Variants in POT1 observed in about 807,000 individuals in gnomAD.
POT1 encodes protection of telomeres 1, also known as protection of telomeres protein 1.
POT1 carries 47 observed loss-of-function variants against 78.5 expected under a neutral mutation model. The ratio of observed to expected loss-of-function variants is 0.60; its 90% CI spans 0.47 to 0.76. The LOEUF (loss-of-function observed/expected upper bound fraction) is 0.76. POT1 is among the 30% of genes least tolerant of loss of function. The pLI is 0.00. For missense variants in POT1, 646 were observed against 749.9 expected (o/e 0.86, Z 1.62); for synonymous variants, 259 against 260.7 (o/e 0.99, Z 0.06).
At chr7:124,918,556 C>A (rs181564301) in intron 2 of POT1, among the ~76,000 whole-genome samples, 19 of 152,232 alleles carry the variant, frequency 1.2e-4, no homozygotes, top group Non-Finnish European at 4.4e-5. Context: ...GTTTTACCTA[C>A]AATGGAAGTT....
intron 7 of POT1, among the ~76,000 whole-genome samples, chr7:124,870,708 T>C (rs1795846865): frequency 6.6e-6 from 1 of 152,154 alleles, no homozygotes; most frequent in Non-Finnish European, 1.5e-5. Flanking sequence ...TTCTGGGGAA[T>C]GAAAGCAGTG....
chr7:124,860,536 T>C (rs1163480386), intron 8 of POT1, among the ~76,000 whole-genome samples: 5 of 152,170 alleles, frequency 3.3e-5, no homozygotes, highest in Non-Finnish European at 7.4e-5. Flanking sequence ...GAAAATAAAA[T>C]TGCTGAGTTG....
intron 6 of POT1, among the ~76,000 whole-genome samples, chr7:124,879,746 A>G (rs555406931): frequency 1.3e-5 from 2 of 152,268 alleles, no homozygotes; most frequent in African/African-American, 2.4e-5. Flanking sequence ...CTTTAGCAAT[A>G]TAAGATTTTG....
intron 6 of POT1, among the ~76,000 whole-genome samples, chr7:124,890,746 A>T (rs1584790845): frequency 6.6e-6 from 1 of 151,880 alleles, no homozygotes; most frequent in Non-Finnish European, 1.5e-5. Flanking sequence ...TTTAATGTAA[A>T]CTAGTACAAA....
rs139388603 is a variant in POT1 at position 124,829,280 on chromosome 7, G to A, written c.1568C>T (p.Ser523Leu). ...TTCTGCCACAGAAGAAGGAATCCACGATGTTTTATCAACCAGGGAATTTAG... is the reference window on the plus strand; with the variant it reads ...TTCTGCCACAGAAGAAGGAATCCACAATGTTTTATCAACCAGGGAATTTAG... ...QNLNSLVDKT[S>L]WIPSSVAEAL... The change falls in exon 16 of 19, where the codon TCG becomes TTG. Residue 523 changes from serine (S) to leucine (L), a missense_variant. Ser to Leu is a moderately radical substitution (Grantham distance 145). Coordinates refer to ENST00000357628, the MANE Select transcript of POT1 (RefSeq NM_015450.3). 1.9e-6 allele frequency: 3 copies of A among 1,604,900 alleles called. No homozygotes were observed. The highest frequency in any genetic ancestry group is 2.2e-5 in the South Asian group (2 of 90,788).
chr7:124,921,002 C>A (rs1268566620), intron 2 of POT1, among the ~76,000 whole-genome samples: 1 of 152,010 alleles, frequency 6.6e-6, no homozygotes, highest in Non-Finnish European at 1.5e-5. Context: ...GAGGCTGAGG[C>A]AGAAGGATTC....
chr7:124,884,351 T>C (rs1305504137), intron 6 of POT1, among the ~76,000 whole-genome samples: 1 of 152,156 alleles, frequency 6.6e-6, no homozygotes, highest in Non-Finnish European at 1.5e-5. Flanking sequence ...CTGAGAAATT[T>C]GATTATACTG....
intron 16 of POT1, chr7:124,828,892 G>A: frequency 1.9e-6 from 1 of 540,442 alleles, no homozygotes; most frequent in Non-Finnish European, 3.6e-6. Context: ...TGAGTGTCCA[G>A]TTTCAGGTAA....
chr7:124,884,448 C>T (rs1484627065), intron 6 of POT1, among the ~76,000 whole-genome samples: 1 of 152,012 alleles, frequency 6.6e-6, no homozygotes, highest in African/African-American at 2.4e-5. Context: ...ACTGTAACAT[C>T]CAAGACTGCT....
chr7:124,866,725 T>C (rs549560778), intron 7 of POT1, among the ~76,000 whole-genome samples: 1 of 152,320 alleles, frequency 6.6e-6, no homozygotes, highest in South Asian at 2.1e-4. Flanking sequence ...ATCATGGGGC[T>C]CACTTTATAA....
chr7:124,918,225 C>T (rs1797065378), intron 2 of POT1, among the ~76,000 whole-genome samples: 1 of 152,134 alleles, frequency 6.6e-6, no homozygotes, highest in Non-Finnish European at 1.5e-5. Flanking sequence ...CTCTGAAAAC[C>T]AGACCAAACT....
rs186217266 is a variant in POT1, at chr7:124,915,598, C to T, written c.-178G>A. On this transcript the variant is annotated 5_prime_UTR_variant, in exon 3 of 19. Transcript: ENST00000357628. The stretch of plus-strand genomic sequence containing the variant: ...CCTTGTAGTCCAATCTGCAAAACAG[C>T]TGTTTTATTTCCACGATAAGTTAAA... The T allele has an allele frequency of 6.6e-6, 1 of 151,930 alleles. No individual in the cohort carries two copies. The highest frequency in any genetic ancestry group is 2.4e-5 in the African/African-American group (1 of 41,346). The allele number at this position is 151,930 out of a possible 1,614,324, so 9.4% of individuals were successfully genotyped here.
intron 13 of POT1, 34 bp from the exon 14 acceptor site, chr7:124,841,212 AT>A (rs756431903): frequency 6.5e-7 from 1 of 1,548,674 alleles, no homozygotes; most frequent in Non-Finnish European, 8.9e-7. Context: ...ATAGAAATCG[AT>A]TTTGGTGTAA....
Position 124,841,082 on chromosome 7 carries a change from A to G in POT1, c.1260T>C (p.Asp420=), listed in dbSNP as rs933280158. 9.3e-6 allele frequency: 15 copies of G among 1,612,628 alleles called. No individual in the cohort carries two copies. The highest frequency in any genetic ancestry group is 1.2e-5 in the Non-Finnish European group (14 of 1,179,026). ...GATTTTTAGTGGTCCAGATTTTTGA[A>G]TCATATAATGATGTATTTTGTAGCT... ...DVKLQNTSLY[D]SKIWTTKNQK... is the part of the protein sequence containing the mutation. The change falls in exon 14 of 19, where the codon GAT becomes GAC. Residue 420 remains aspartate (D), a synonymous_variant. Coordinates refer to ENST00000357628, the MANE Select transcript of POT1 (RefSeq NM_015450.3).
At chr7:124,896,916 T>C (rs1317823988) in intron 5 of POT1, among the ~76,000 whole-genome samples, 1 of 151,806 alleles carries the variant, frequency 6.6e-6, no homozygotes, top group African/African-American at 2.4e-5. Context: ...TGTGTATGTA[T>C]AGCTTACACA....
chr7:124,852,962 A>G lies in POT1; in HGVS notation c.869+10T>C, dbSNP rs763660154. 1 of 1,607,342 alleles carries G rather than the reference A, an allele frequency of 6.2e-7. No individual in the cohort carries two copies. Among genetic ancestry groups the G allele is most frequent in the East Asian group, 2.2e-5 (1 of 44,794 alleles). On this transcript the variant is annotated intron_variant, in intron 10 of 18. Coordinates refer to ENST00000357628, the MANE Select transcript of POT1 (RefSeq NM_015450.3). ...ACCTTATTTACATTTTCTAAATACTAAAAGCTTACTTTTTCAGTTGATCCA... is the reference window on the plus strand; with the variant it reads ...ACCTTATTTACATTTTCTAAATACTGAAAGCTTACTTTTTCAGTTGATCCA...
At chr7:124,893,137 G>A (rs1215584474) in intron 5 of POT1, among the ~76,000 whole-genome samples, 2 of 151,338 alleles carry the variant, frequency 1.3e-5, no homozygotes, top group South Asian at 2.1e-4. Context: ...TCAAGAAACT[G>A]TAGCTGGGGG....
Position 124,823,653 on chromosome 7 carries a change from C to T in POT1, c.*309G>A, listed in dbSNP as rs1794560285. On this transcript the variant is annotated 3_prime_UTR_variant, in exon 19 of 19. Coordinates refer to ENST00000357628, the MANE Select transcript of POT1 (RefSeq NM_015450.3). ...TTTATCCTAAAATCATCAGTATCAGCACCCCAACAAAGCAACTTTGCCATT... is the reference window on the plus strand; with the variant it reads ...TTTATCCTAAAATCATCAGTATCAGTACCCCAACAAAGCAACTTTGCCATT... The T allele has an allele frequency of 4.0e-6, 1 of 249,762 alleles. No homozygotes were observed. The highest frequency in any genetic ancestry group is 2.3e-5 in the African/African-American group (1 of 44,092). 15.5% of individuals were successfully genotyped at this position (249,762 alleles called of 1,614,324 possible).
rs1378955214 is a variant in POT1, at chr7:124,823,401, C to T, written c.*561G>A. On this transcript the variant is annotated 3_prime_UTR_variant, in exon 19 of 19. Transcript: ENST00000357628. ...TTCATGATTTTAAATTTGACAAACA[C>T]TGTCAGGTAAAAATCAAACTATTTT... is the stretch of plus-strand genomic sequence containing the variant. 6.6e-6 allele frequency: 1 copy of T among 151,898 alleles called. No homozygotes were observed. Among genetic ancestry groups the T allele is most frequent in the Non-Finnish European group, 1.5e-5 (1 of 67,934 alleles). 9.4% of individuals were successfully genotyped at this position (151,898 alleles called of 1,614,324 possible).
Sources: allele counts gnomAD v4.1 joint callset (sites outside exome capture counted in the v4.1 genomes callset), GRCh38; gene constraint gnomAD v4.1.1; transcripts MANE v1.5; gene names NCBI Gene and HGNC (gene_info 2026-07-23, HGNC 2026-07-21).